Variants in MAP6 observed in about 807,000 individuals in gnomAD.
MAP6 encodes the protein microtubule associated protein 6.
Under a neutral mutation model 42.4 loss-of-function variants are expected in MAP6, and 26 were observed. The observed-to-expected ratio is 0.61, with a 90% CI of 0.45 to 0.85. The LOEUF (loss-of-function observed/expected upper bound fraction) is 0.85, where lower values mean the gene tolerates loss of function less well. Ranked by LOEUF, MAP6 falls within the 40% of genes least tolerant of loss-of-function variation. MAP6 has a pLI of 0.00. For missense variants in MAP6, 966 were observed against 1,099.0 expected (o/e 0.88, Z 1.71); for synonymous variants, 418 against 443.8 (o/e 0.94, Z 0.73).
intron 1 of MAP6, among the ~76,000 whole-genome samples, chr11:75,612,075 G>C (rs1354541701): frequency 6.6e-6 from 1 of 152,254 alleles, no homozygotes; most frequent in African/African-American, 2.4e-5. Flanking sequence ...GACACAGACC[G>C]GGCTAGATGG....
chr11:75,621,971 T>A (rs1943119428), intron 1 of MAP6, among the ~76,000 whole-genome samples: 1 of 151,916 alleles, frequency 6.6e-6, no homozygotes, highest in African/African-American at 2.4e-5. Context: ...TGTAGTGATC[T>A]GAGATCATGC....
chr11:75,651,312 T>C (rs1184225322), intron 1 of MAP6, among the ~76,000 whole-genome samples: 1 of 152,132 alleles, frequency 6.6e-6, no homozygotes, highest in Non-Finnish European at 1.5e-5. Flanking sequence ...CCCCACAGAA[T>C]GGTGTTATAG....
At chr11:75,634,141 T>C (rs1012118448) in intron 1 of MAP6, among the ~76,000 whole-genome samples, 5 of 152,152 alleles carry the variant, frequency 3.3e-5, no homozygotes, top group Non-Finnish European at 7.4e-5. Context: ...AGATACTTGC[T>C]GAAACTTGCT....
chr11:75,663,297 T>A (rs1332747828), intron 1 of MAP6, among the ~76,000 whole-genome samples: 1 of 152,134 alleles, frequency 6.6e-6, no homozygotes, highest in African/African-American at 2.4e-5. Context: ...GACTTTAACT[T>A]GATTGAGGAA....
chr11:75,598,353 G>A (rs80256207), intron 3 of MAP6, among the ~76,000 whole-genome samples: 1 of 152,192 alleles, frequency 6.6e-6, no homozygotes, highest in East Asian at 1.9e-4. Context: ...GTGGTGGGGA[G>A]GGTCCTGTCA....
intron 3 of MAP6, chr11:75,603,470 C>T: frequency 1.0e-6 from 1 of 985,538 alleles, no homozygotes; most frequent in South Asian, 4.7e-5. Context: ...TCAAAGTGAA[C>T]TACAAACAGG....
intron 3 of MAP6, among the ~76,000 whole-genome samples, chr11:75,600,730 A>G (rs1942651435): frequency 6.6e-6 from 1 of 152,252 alleles, no homozygotes; most frequent in Non-Finnish European, 1.5e-5. Flanking sequence ...GAGACATTTT[A>G]GCAGTAAAAG....
chr11:75,586,960 T>C lies in MAP6; in HGVS notation c.*99A>G. On this transcript the variant is annotated 3_prime_UTR_variant, in exon 4 of 4. Transcript: ENST00000304771. Reference sequence around the variant, plus strand: ...TTTTATTAGATTCCAGCAAGACTACTGTACATGTTTCATGCAGATTAAATA... The same window carrying C: ...TTTTATTAGATTCCAGCAAGACTACCGTACATGTTTCATGCAGATTAAATA... 7.9e-7 allele frequency: 1 copy of C among 1,266,580 alleles called. No homozygotes were observed. Among genetic ancestry groups the C allele is most frequent in the Non-Finnish European group, 1.1e-6 (1 of 912,056 alleles). 78.5% of individuals were successfully genotyped at this position (1,266,580 alleles called of 1,614,324 possible). A position where few individuals can be genotyped will look rare whatever the true frequency, so the allele number is the denominator to read the frequency against.
At chr11:75,638,482 C>G (rs1273804017) in intron 1 of MAP6, 1 of 152,168 alleles carries the variant, frequency 6.6e-6, no homozygotes, top group Non-Finnish European at 1.5e-5. Context: ...TGTTGTACCA[C>G]TAAATGGGGA....
chr11:75,593,452 G>A (rs1371501201), intron 3 of MAP6, among the ~76,000 whole-genome samples: 1 of 152,342 alleles, frequency 6.6e-6, no homozygotes, highest in East Asian at 1.9e-4. Flanking sequence ...ACTTTCCAGA[G>A]TCTAGCAGCA....
chr11:75,650,377 TA>T (rs1943627738), intron 1 of MAP6, among the ~76,000 whole-genome samples: 1 of 152,224 alleles, frequency 6.6e-6, no homozygotes, highest in African/African-American at 2.4e-5. Context: ...CAGCTCCCAT[TA>T]AATGCTCTGT....
Position 75,587,185 on chromosome 11 carries a change from A to T in MAP6, c.2316T>A (p.Gly772=), listed in dbSNP as rs1285554927. ...PLVPVPAKDQ[G]PAVPEPLKTQ... ...TCTTCAGAGGTTCAGGGACTGCAGG[A>T]CCTTGGTCCTTTGCTGGTACTGGCA... Residue 772 remains glycine (G), a synonymous_variant, in exon 4 of 4, where the codon GGT becomes GGA. Transcript: ENST00000304771. The T allele has an allele frequency of 1.9e-6, 3 of 1,613,922 alleles. No individual in the cohort carries two copies. Among genetic ancestry groups the T allele is most frequent in the Non-Finnish European group, 1.7e-6 (2 of 1,180,008 alleles).
Position 75,668,487 on chromosome 11 carries a change from C to G in MAP6, c.-118G>C, listed in dbSNP as rs1944005454. The G allele has an allele frequency of 8.0e-6, 11 of 1,372,952 alleles. No homozygotes were observed. In the East Asian group the frequency reaches 2.0e-4, roughly 25 times the overall value. 85.0% of individuals were successfully genotyped at this position (1,372,952 alleles called of 1,614,324 possible). Reference sequence around the variant, plus strand: ...ATGTGGTTCCCACCGTTTTCTACCCCCGATCAGCCGGAGCTAGTTCGCCCT... The same window carrying G: ...ATGTGGTTCCCACCGTTTTCTACCCGCGATCAGCCGGAGCTAGTTCGCCCT... On this transcript the variant is annotated 5_prime_UTR_variant, in exon 1 of 4. Coordinates refer to ENST00000304771, the MANE Select transcript of MAP6 (RefSeq NM_033063.2).
rs555609743 is a variant in MAP6 at position 75,607,115 on chromosome 11, C to T, written c.1119+994G>A. The stretch of plus-strand genomic sequence containing the variant: ...CTGACCTGTAAGGAAAGGAACCAAT[C>T]GTCCTGGTTTGCCTGGAACTGAGAG... On this transcript the variant is annotated intron_variant, in intron 2 of 3. Coordinates refer to ENST00000304771, the MANE Select transcript of MAP6 (RefSeq NM_033063.2). 1.4e-4 allele frequency: 73 copies of T among 540,658 alleles called. No individual in the cohort carries two copies. In the African/African-American group the frequency reaches 1.4e-3, roughly 11 times the overall value. 33.5% of individuals were successfully genotyped at this position (540,658 alleles called of 1,614,324 possible).
chr11:75,669,007 C>T lies in MAP6; in HGVS notation c.-638G>A. ...TCTCCGCCGCTGCCCGCGAATGATG[C>T]TGCAGCCGCTGCCGCCGCCGCCTCT... On this transcript the variant is annotated 5_prime_UTR_variant, in exon 1 of 4. Transcript: ENST00000304771. 6.0e-6 allele frequency: 1 copy of T among 166,960 alleles called. No individual in the cohort carries two copies. The highest frequency in any genetic ancestry group is 6.4e-5 in the Admixed American group (1 of 15,554). 10.3% of individuals were successfully genotyped at this position (166,960 alleles called of 1,614,324 possible). A position where few individuals can be genotyped will look rare whatever the true frequency, so the allele number is the denominator to read the frequency against.
chr11:75,616,096 T>A (rs1389190121), intron 1 of MAP6, among the ~76,000 whole-genome samples: 1 of 152,224 alleles, frequency 6.6e-6, no homozygotes, highest in Non-Finnish European at 1.5e-5. Context: ...GAACAAGTTT[T>A]ACTGCTGTGA....
At chr11:75,624,454 G>A (rs985879807) in intron 1 of MAP6, among the ~76,000 whole-genome samples, 2 of 152,068 alleles carry the variant, frequency 1.3e-5, no homozygotes, top group African/African-American at 2.4e-5. Flanking sequence ...AAGGCTGGAG[G>A]CCCCCTGGCT....
intron 1 of MAP6, among the ~76,000 whole-genome samples, chr11:75,658,883 C>T (rs1943795986): frequency 6.6e-6 from 1 of 152,210 alleles, no homozygotes; most frequent in Admixed American, 6.5e-5. Context: ...ATTTTCCCAA[C>T]AACCCTCAAA....
chr11:75,606,932 G>T (rs1942788988), intron 2 of MAP6, among the ~76,000 whole-genome samples: 1 of 152,194 alleles, frequency 6.6e-6, no homozygotes, highest in Non-Finnish European at 1.5e-5. Context: ...TCTAGATTTA[G>T]TTTCCCTCAT....
Sources: allele counts gnomAD v4.1 joint callset (sites outside exome capture counted in the v4.1 genomes callset), GRCh38; gene constraint gnomAD v4.1.1; transcripts MANE v1.5; gene names NCBI Gene and HGNC (gene_info 2026-07-23, HGNC 2026-07-21).